SGCZ: variants seen among roughly 807,000 people sequenced by gnomAD.
SGCZ encodes zeta-sarcoglycan.
SGCZ carries 40 observed loss-of-function variants against 41.3 expected under a neutral mutation model. The ratio of observed to expected loss-of-function variants is 0.97; its 90% confidence interval spans 0.75 to 1.26. SGCZ has a LOEUF of 1.26. Among genes scored for constraint, SGCZ ranks in the 50% most tolerant of loss-of-function variants. SGCZ has a pLI of 0.00. For synonymous variants in SGCZ, 206 were observed against 137.5 expected, an observed-to-expected ratio of 1.50 and a Z score of -3.49; for missense variants, 552 against 369.8, an observed-to-expected ratio of 1.49 and a Z score of -4.04.
At chr8:14,282,650 A>C (rs1800485530) in intron 3 of SGCZ, among the ~76,000 whole-genome samples, 1 of 152,078 alleles carries the variant, frequency 6.6e-6, no homozygotes, top group South Asian at 2.1e-4. Flanking sequence ...TCACAAACTG[A>C]AGCCTGCATA....
chr8:14,802,830 A>G (rs1278288752), intron 1 of SGCZ, among the ~76,000 whole-genome samples: 1 of 152,166 alleles, frequency 6.6e-6, no homozygotes, highest in Non-Finnish European at 1.5e-5. Flanking sequence ...TGAACTGCAA[A>G]TGGCTCATTA....
rs534639323 is a variant in SGCZ, at chr8:14,521,330, T to A, written c.234+33402A>T. ...AATATAACTTCGGGGAATTGGATTT[T>A]TTTCACTTAGCATAATTTTCCAGAG... On this transcript the variant is annotated intron_variant, in intron 2 of 7. Coordinates refer to ENST00000382080, the MANE Select transcript of SGCZ (RefSeq NM_139167.4). Among the ~76,000 whole-genome samples the A allele has an allele frequency of 2.0e-5, 3 of 152,254 alleles. No homozygotes were observed. The South Asian group carries it at 6.2e-4, about 32-fold the overall frequency.
intron 2 of SGCZ, among the ~76,000 whole-genome samples, chr8:14,502,828 A>G (rs2117055542): frequency 6.6e-6 from 1 of 152,334 alleles, no homozygotes; most frequent in East Asian, 1.9e-4. Context: ...GTGGAGAAAT[A>G]GGAACACTTT....
chr8:14,152,416 C>A (rs1170034822), intron 5 of SGCZ, among the ~76,000 whole-genome samples: 1 of 152,150 alleles, frequency 6.6e-6, no homozygotes, highest in Non-Finnish European at 1.5e-5. Flanking sequence ...GTGGTCCCAA[C>A]TATATGGGTG....
intron 1 of SGCZ, among the ~76,000 whole-genome samples, chr8:14,560,471 T>C (rs1363335843): frequency 1.3e-5 from 2 of 151,876 alleles, no homozygotes; most frequent in South Asian, 2.1e-4. Flanking sequence ...AGGAGGAGCA[T>C]AGGAGAAAGC....
intron 1 of SGCZ, among the ~76,000 whole-genome samples, chr8:15,190,580 G>A (rs751277370): frequency 1.3e-5 from 2 of 152,066 alleles, no homozygotes; most frequent in Middle Eastern, 3.4e-3. Context: ...CTTTCAGCAC[G>A]AAAGAATGGT....
intron 1 of SGCZ, among the ~76,000 whole-genome samples, chr8:14,603,663 T>C (rs1244716138): frequency 6.6e-6 from 1 of 152,216 alleles, no homozygotes; most frequent in Admixed American, 6.5e-5. Context: ...GCAATTTAGA[T>C]ATGATTGATT....
chr8:14,192,226 A>G (rs1316696783), intron 4 of SGCZ, among the ~76,000 whole-genome samples: 1 of 152,036 alleles, frequency 6.6e-6, no homozygotes, highest in Non-Finnish European at 1.5e-5. Flanking sequence ...TTATTTAGCA[A>G]TTATTATGCT....
At chr8:14,802,445 A>G (rs574758635) in intron 1 of SGCZ, among the ~76,000 whole-genome samples, 76 of 152,350 alleles carry the variant, frequency 5.0e-4, no homozygotes, top group African/African-American at 1.8e-3. Flanking sequence ...TTAAGCAGTG[A>G]CACTTCATAA....
intron 4 of SGCZ, among the ~76,000 whole-genome samples, chr8:14,199,072 G>C (rs186907262): frequency 1.9e-4 from 29 of 152,322 alleles, no homozygotes; most frequent in African/African-American, 7.0e-4. Context: ...GGGAACAAGG[G>C]AGATAACCTT....
chr8:15,218,412 T>G (rs1451740661), intron 1 of SGCZ, among the ~76,000 whole-genome samples: 1 of 152,218 alleles, frequency 6.6e-6, no homozygotes, highest in African/African-American at 2.4e-5. Context: ...CAATGCATAT[T>G]TTTAGGTGTA....
At chr8:14,982,469 G>A (rs1801699566) in intron 1 of SGCZ, among the ~76,000 whole-genome samples, 1 of 152,134 alleles carries the variant, frequency 6.6e-6, no homozygotes, top group South Asian at 2.1e-4. Context: ...TTGTATCAAT[G>A]GGCTTTGGAG....
In SGCZ at chr8:14,531,642, G is replaced by A. The variant is rs554504944; in HGVS notation, c.234+23090C>T. 1.2e-4 allele frequency among the ~76,000 whole-genome samples: 19 copies of A among 152,188 alleles called. No individual in the cohort carries two copies. In the South Asian group the frequency reaches 3.5e-3, roughly 28 times the overall value. ...AGAGGATACACAGGATAGCCATGAAGATAATGAAGAGTAACTTGATATATG... is the reference window on the plus strand; with the variant it reads ...AGAGGATACACAGGATAGCCATGAAAATAATGAAGAGTAACTTGATATATG... On this transcript the variant is annotated intron_variant, in intron 2 of 7. Coordinates refer to ENST00000382080, the MANE Select transcript of SGCZ (RefSeq NM_139167.4).
intron 1 of SGCZ, among the ~76,000 whole-genome samples, chr8:15,128,094 A>T (rs933410171): frequency 6.6e-6 from 1 of 152,186 alleles, no homozygotes; most frequent in African/African-American, 2.4e-5. Flanking sequence ...TAAAGATACC[A>T]TGTGCCAACA....
At chr8:14,569,948 CT>C (rs34294327) in intron 1 of SGCZ, among the ~76,000 whole-genome samples, 43,443 of 142,894 alleles carry the variant, frequency 0.3, 6,472 homozygotes, top group African/African-American at 0.38. Flanking sequence ...GCACTGGAAT[CT>C]TTTTTTTTTT....
intron 1 of SGCZ, among the ~76,000 whole-genome samples, chr8:15,018,412 G>T (rs1037052690): frequency 3.9e-5 from 6 of 152,208 alleles, no homozygotes; most frequent in African/African-American, 1.4e-4. Context: ...AGTGAAATAT[G>T]TCTTGATGAA....
intron 2 of SGCZ, among the ~76,000 whole-genome samples, chr8:14,541,723 G>A (rs549489225): frequency 6.6e-6 from 1 of 152,092 alleles, no homozygotes; most frequent in African/African-American, 2.4e-5. Context: ...TTCCACAATG[G>A]TTGAACTAAT....
intron 1 of SGCZ, among the ~76,000 whole-genome samples, chr8:14,752,933 C>T (rs1799544113): frequency 6.6e-6 from 1 of 152,138 alleles, no homozygotes; most frequent in African/African-American, 2.4e-5. Context: ...TAAGAAGTAA[C>T]TCTGAAATAG....
At chr8:14,681,281 GATGT>G (rs1808438180) in intron 1 of SGCZ, among the ~76,000 whole-genome samples, 2 of 152,192 alleles carry the variant, frequency 1.3e-5, no homozygotes, top group Admixed American at 6.5e-5. Context: ...AATTACTGTA[GATGT>G]ATAATCAGGA....
Sources: gnomAD v4.1 joint callset for allele counts (sites outside exome capture counted in the v4.1 genomes callset) on GRCh38, gnomAD v4.1.1 for gene constraint, MANE v1.5 for transcripts, NCBI Gene and HGNC (gene_info 2026-07-23, HGNC 2026-07-21) for gene names.